Variants in ACTL8 observed in about 807,000 individuals in gnomAD.
The protein encoded by ACTL8 is actin-like protein 8.
In ACTL8, 3 loss-of-function variants were observed where a neutral mutation model predicts 9.3. The observed-to-expected ratio is 0.32, with a 90% confidence interval of 0.15 to 0.83. The LOEUF (loss-of-function observed/expected upper bound fraction) is 0.83, where lower values mean the gene tolerates loss of function less well. ACTL8 is among the 40% of genes least tolerant of loss of function. The pLI is 0.57. For synonymous variants in ACTL8, 224 were observed against 205.9 expected (o/e 1.09, Z -0.75); for missense variants, 381 against 492.2 (o/e 0.77, Z 2.14).
intron 1 of ACTL8, among the ~76,000 whole-genome samples, chr1:17,810,767 G>GT (rs2066388736): frequency 6.6e-6 from 1 of 152,218 alleles, no homozygotes; most frequent in Admixed American, 6.5e-5. Flanking sequence ...TATGCAGTAT[G>GT]TAAGTCTGGT....
intron 1 of ACTL8, among the ~76,000 whole-genome samples, chr1:17,776,197 G>A (rs1206812477): frequency 2.6e-5 from 4 of 152,176 alleles, no homozygotes; most frequent in Non-Finnish European, 4.4e-5. Flanking sequence ...AAGACAGCAC[G>A]AAGGTCCTAG....
At chr1:17,796,416 A>G (rs879523893) in intron 1 of ACTL8, among the ~76,000 whole-genome samples, 1 of 152,100 alleles carries the variant, frequency 6.6e-6, no homozygotes, top group Non-Finnish European at 1.5e-5. Flanking sequence ...TAGCTCATAC[A>G]TGCAGGTGCC....
intron 1 of ACTL8, among the ~76,000 whole-genome samples, chr1:17,764,645 G>A (rs961755320): frequency 3.3e-5 from 5 of 152,074 alleles, no homozygotes; most frequent in African/African-American, 9.7e-5. Context: ...TCGCCCCCAC[G>A]CTGTTGATGA....
chr1:17,784,002 T>C (rs2066176685), intron 1 of ACTL8, among the ~76,000 whole-genome samples: 2 of 152,248 alleles, frequency 1.3e-5, no homozygotes, highest in South Asian at 4.1e-4. Flanking sequence ...ATGTTGAGCC[T>C]TAGTTGTCTA....
At chr1:17,763,928 A>G (rs2066025860) in intron 1 of ACTL8, among the ~76,000 whole-genome samples, 1 of 152,190 alleles carries the variant, frequency 6.6e-6, no homozygotes, top group Admixed American at 6.5e-5. Context: ...TCTGAGCCTC[A>G]GCTTCCCATT....
At chr1:17,799,582 A>G (rs2066305720) in intron 1 of ACTL8, among the ~76,000 whole-genome samples, 1 of 151,306 alleles carries the variant, frequency 6.6e-6, no homozygotes, top group South Asian at 2.1e-4. Flanking sequence ...GCAGAAATCT[A>G]TTTCTTTGTT....
At chr1:17,761,228 C>T (rs1024331495) in intron 1 of ACTL8, among the ~76,000 whole-genome samples, 1 of 151,582 alleles carries the variant, frequency 6.6e-6, no homozygotes, top group Non-Finnish European at 1.5e-5. Context: ...CTCCCGGCCT[C>T]CCAAAGTGCT....
intron 1 of ACTL8, among the ~76,000 whole-genome samples, chr1:17,797,232 C>A (rs1448714093): frequency 6.6e-6 from 1 of 152,160 alleles, no homozygotes; most frequent in Non-Finnish European, 1.5e-5. Flanking sequence ...CAGCTGCCAC[C>A]TGCTAGGGCT....
At chr1:17,759,742 G>T (rs1023369908) in intron 1 of ACTL8, among the ~76,000 whole-genome samples, 1 of 152,172 alleles carries the variant, frequency 6.6e-6, no homozygotes, top group Admixed American at 6.5e-5. Flanking sequence ...CTTGAGGGCT[G>T]GATGTCAGCC....
chr1:17,774,321 G>A (rs1057361250), intron 1 of ACTL8, among the ~76,000 whole-genome samples: 4 of 152,142 alleles, frequency 2.6e-5, no homozygotes, highest in Admixed American at 2.6e-4. Flanking sequence ...GCTGGGGGGT[G>A]GGGGCGGGGT....
rs150089133 is a variant in ACTL8 at position 17,763,529 on chromosome 1, C to T, written c.-25+8025C>T. ...TTCTGCGGGACCCTCGGCCCCTCCC[C>T]GTGTCCCCTGCCTCCAGCCTGGAAG... On this transcript the variant is annotated intron_variant, in intron 1 of 2. Coordinates refer to ENST00000375406, the MANE Select transcript of ACTL8 (RefSeq NM_030812.3). 4.8e-3 allele frequency among the ~76,000 whole-genome samples: 732 copies of T among 152,332 alleles called. 6 individuals carry two copies. Among genetic ancestry groups the T allele is most frequent in the South Asian group, 8.5e-3 (41 of 4,834 alleles).
At chr1:17,759,614 G>T (rs1016540228) in intron 1 of ACTL8, among the ~76,000 whole-genome samples, 3 of 152,212 alleles carry the variant, frequency 2.0e-5, no homozygotes, top group African/African-American at 7.2e-5. Context: ...GCCCTCAGGG[G>T]TGTTTGTGGG....
intron 1 of ACTL8, among the ~76,000 whole-genome samples, chr1:17,781,439 A>G (rs1355153118): frequency 2.0e-5 from 3 of 151,898 alleles, no homozygotes; most frequent in Admixed American, 6.6e-5. Context: ...TGGTTTTGCC[A>G]TGTTGGCCAG....
intron 1 of ACTL8, among the ~76,000 whole-genome samples, chr1:17,809,403 G>A (rs2066379422): frequency 1.3e-5 from 2 of 152,278 alleles, no homozygotes; most frequent in Admixed American, 6.5e-5. Context: ...TCCACACAGA[G>A]GGTAAGGCAA....
rs556917826 is a variant in ACTL8, at chr1:17,782,081, A to G, written c.-25+26577A>G. 8.6e-4 allele frequency among the ~76,000 whole-genome samples: 131 copies of G among 152,226 alleles called. 1 individual carries two copies. Among genetic ancestry groups the G allele is most frequent in the African/African-American group, 3.0e-3 (124 of 41,470 alleles). On this transcript the variant is annotated intron_variant, in intron 1 of 2. Transcript: ENST00000375406. ...TTTGGATCTATTCCCACAAGAATGTACATAATGAACACACACACCTTTGGT... is the reference window on the plus strand; with the variant it reads ...TTTGGATCTATTCCCACAAGAATGTGCATAATGAACACACACACCTTTGGT...
intron 1 of ACTL8, among the ~76,000 whole-genome samples, chr1:17,792,740 G>A (rs941839818): frequency 6.6e-6 from 1 of 152,210 alleles, no homozygotes; most frequent in Non-Finnish European, 1.5e-5. Flanking sequence ...TGCTCATCGT[G>A]ATGACTTTTC....
At chr1:17,821,903 T>C (rs981247315) in intron 1 of ACTL8, among the ~76,000 whole-genome samples, 2 of 152,190 alleles carry the variant, frequency 1.3e-5, no homozygotes, top group African/African-American at 2.4e-5. Flanking sequence ...TGAGATTACA[T>C]GCGTGAACCA....
At chr1:17,809,718 C>T (rs2066381769) in intron 1 of ACTL8, among the ~76,000 whole-genome samples, 2 of 151,794 alleles carry the variant, frequency 1.3e-5, no homozygotes, top group African/African-American at 4.8e-5. Flanking sequence ...TCGGTGTCTC[C>T]CATCACTCCC....
At chr1:17,803,777 A>G (rs1418728582) in intron 1 of ACTL8, among the ~76,000 whole-genome samples, 1 of 152,232 alleles carries the variant, frequency 6.6e-6, no homozygotes, top group Non-Finnish European at 1.5e-5. Flanking sequence ...GTAAAGGCAG[A>G]CAGAGTGAGC....
Sources: gnomAD v4.1 joint callset for allele counts (sites outside exome capture counted in the v4.1 genomes callset) on GRCh38, gnomAD v4.1.1 for gene constraint, MANE v1.5 for transcripts, NCBI Gene and HGNC (gene_info 2026-07-23, HGNC 2026-07-21) for gene names.